NCR1: variants seen among roughly 807,000 people sequenced by gnomAD.
NCR1 encodes the protein NK cell-activating receptor.
In NCR1, 30 loss-of-function variants were observed where a neutral mutation model predicts 32.5. That is an observed-to-expected ratio of 0.92 (90% confidence interval 0.69 to 1.25). NCR1 has a LOEUF of 1.25. Among genes scored for constraint, NCR1 ranks in the 50% most tolerant of loss-of-function variants. The probability of loss-of-function intolerance (pLI) is 0.00; values close to 1 mark genes in which losing one functional copy is unlikely to be tolerated. For missense variants in NCR1, 369 were observed against 380.7 expected (o/e 0.97, Z 0.26); for synonymous variants, 169 against 143.4 (o/e 1.18, Z -1.28).
the NCR1 span, among the ~76,000 whole-genome samples, chr19:54,898,675 G>A: frequency 6.6e-6 from 1 of 152,162 alleles, no homozygotes; most frequent in African/African-American, 2.4e-5. Flanking sequence ...GGGCTGTAAA[G>A]CGTCTCAGGG....
chr19:54,935,617 C>T, the NCR1 span, among the ~76,000 whole-genome samples: 1 of 151,384 alleles, frequency 6.6e-6, no homozygotes, highest in Non-Finnish European at 1.5e-5. Flanking sequence ...TGCTTGAACC[C>T]AGGAGGCGGA....
downstream of NCR1, among the ~76,000 whole-genome samples, chr19:54,919,303 T>C (rs1303034498): frequency 2.0e-5 from 3 of 150,836 alleles, no homozygotes; most frequent in Admixed American, 6.6e-5. Flanking sequence ...AATGTCTGGC[T>C]GCGCTGTTAT....
chr19:54,922,851 GAC>G, the NCR1 span, among the ~76,000 whole-genome samples: 1 of 149,084 alleles, frequency 6.7e-6, no homozygotes, highest in Non-Finnish European at 1.5e-5. Flanking sequence ...AACGCCCAGC[GAC>G]AGAGACACAC....
At chr19:54,906,887 C>A in intron 3 of NCR1, 80 bp downstream of exon 3, 1 of 1,498,240 alleles carries the variant, frequency 6.7e-7, no homozygotes, top group Non-Finnish European at 9.1e-7. Flanking sequence ...TCTTCCAAGC[C>A]CCACTCAGAC....
chr19:54,936,448 G>A, the NCR1 span: 2 of 1,607,638 alleles, frequency 1.2e-6, no homozygotes, highest in African/African-American at 2.7e-5. Flanking sequence ...AAAAGCAGAA[G>A]AGATTCCACT....
chr19:54,916,877 C>T (rs1428549675), downstream of NCR1, among the ~76,000 whole-genome samples: 3 of 151,406 alleles, frequency 2.0e-5, no homozygotes, highest in Admixed American at 6.6e-5. Flanking sequence ...AAGACCCACG[C>T]TCCCTAAGAC....
chr19:54,905,609 C>T (rs964054383), upstream of NCR1, among the ~76,000 whole-genome samples: 11 of 152,070 alleles, frequency 7.2e-5, no homozygotes, highest in Admixed American at 2.6e-4. Flanking sequence ...TGCAGCCGCA[C>T]GGCAAGAGAA....
intron 3 of NCR1, among the ~76,000 whole-genome samples, chr19:54,908,463 G>A (rs1200772257): frequency 1.3e-5 from 2 of 151,936 alleles, no homozygotes; most frequent in African/African-American, 2.4e-5. Context: ...CGACAAAACC[G>A]CCATCGTCAT....
At chr19:54,908,581 C>A (rs1172505305) in intron 3 of NCR1, among the ~76,000 whole-genome samples, 2 of 152,108 alleles carry the variant, frequency 1.3e-5, no homozygotes, top group South Asian at 2.1e-4. Context: ...AGGCGCCCCC[C>A]CACCTCCCAG....
chr19:54,906,239 A>G lies in NCR1; in HGVS notation c.34+18A>G. 6.2e-7 allele frequency: 1 copy of G among 1,614,170 alleles called. No individual in the cohort carries two copies. The highest frequency in any genetic ancestry group is 8.5e-7 in the Non-Finnish European group (1 of 1,180,032). On this transcript the variant is annotated intron_variant, in intron 1 of 6. Coordinates refer to ENST00000291890, the MANE Select transcript of NCR1 (RefSeq NM_004829.7). ...CTGCGTCGGTGAGTTCTGGCGTGGAAGGGGAATGGGATCACGGTGTGCCTG... is the reference window on the plus strand; with the variant it reads ...CTGCGTCGGTGAGTTCTGGCGTGGAGGGGGAATGGGATCACGGTGTGCCTG...
the NCR1 span, among the ~76,000 whole-genome samples, chr19:54,923,350 G>A: frequency 8.5e-5 from 13 of 152,240 alleles, no homozygotes; most frequent in African/African-American, 3.1e-4. Context: ...AGATGCACCT[G>A]GCAGATAGTA....
chr19:54,927,607 G>C, the NCR1 span: 17 of 1,613,572 alleles, frequency 1.1e-5, no homozygotes, highest in Admixed American at 5.0e-5. Flanking sequence ...ACCCATACCT[G>C]AGTATCTTCA....
In NCR1 at chr19:54,913,043, C is replaced by A. The variant is rs913166005; in HGVS notation, c.*172C>A. ...GACGATGCAGAGGGTGGGAGAACTA[C>A]ATGCTAAATTTCTTTTTTTTTTTTT... On this transcript the variant is annotated 3_prime_UTR_variant, in exon 7 of 7. Coordinates refer to ENST00000291890, the MANE Select transcript of NCR1 (RefSeq NM_004829.7). 5.2e-5 allele frequency: 27 copies of A among 520,224 alleles called. No individual in the cohort carries two copies. The highest frequency in any genetic ancestry group is 8.4e-5 in the Non-Finnish European group (26 of 308,076). The allele number at this position is 520,224 out of a possible 1,614,324, so 32.2% of individuals were successfully genotyped here.
downstream of NCR1, among the ~76,000 whole-genome samples, chr19:54,918,020 G>A (rs1013448482): frequency 2.0e-5 from 3 of 152,030 alleles, no homozygotes; most frequent in African/African-American, 2.4e-5. Context: ...GCAGTGGCGC[G>A]ATCTCTGCTC....
the NCR1 span, among the ~76,000 whole-genome samples, chr19:54,932,426 CA>C: frequency 0.016 from 2,231 of 140,768 alleles, 95 homozygotes; most frequent in East Asian, 0.12. Flanking sequence ...AGACTTCATC[CA>C]AAAAAAAAAA....
chr19:54,925,484 T>A, the NCR1 span, among the ~76,000 whole-genome samples: 5 of 152,150 alleles, frequency 3.3e-5, no homozygotes, highest in Admixed American at 2.0e-4. Flanking sequence ...TACATGCGTA[T>A]CATCTCTACA....
At chr19:54,912,576 G>A (rs962938617) in intron 6 of NCR1, 114 bp from the exon 7 acceptor site, 6 of 869,798 alleles carry the variant, frequency 6.9e-6, no homozygotes, top group Non-Finnish European at 1.0e-5. Flanking sequence ...TCCAGCCTGG[G>A]CGACAAGACT....
downstream of NCR1, among the ~76,000 whole-genome samples, chr19:54,919,596 A>G (rs537867771): frequency 6.6e-6 from 1 of 152,226 alleles, no homozygotes; most frequent in Non-Finnish European, 1.5e-5. Context: ...ACCGAAGCAC[A>G]GCATCACAGG....
At chr19:54,904,445 T>C (rs2067423692), upstream of NCR1, among the ~76,000 whole-genome samples, 1 of 151,822 alleles carries the variant, frequency 6.6e-6, no homozygotes, top group Admixed American at 6.6e-5. Context: ...ACCAAATAGG[T>C]AGATTTTCAA....
Sources: gnomAD v4.1 joint callset for allele counts (sites outside exome capture counted in the v4.1 genomes callset) on GRCh38, gnomAD v4.1.1 for gene constraint, MANE v1.5 for transcripts, NCBI Gene and HGNC (gene_info 2026-07-23, HGNC 2026-07-21) for gene names.